Variants in ZNF518B observed in about 807,000 individuals in gnomAD.
ZNF518B encodes the protein zinc finger protein 518B.
ZNF518B carries 23 observed loss-of-function variants against 56.3 expected under a neutral mutation model. The ratio of observed to expected loss-of-function variants is 0.41; its 90% CI spans 0.29 to 0.58. The LOEUF is 0.58. ZNF518B is among the 20% of genes least tolerant of loss of function. The pLI is 0.32. For missense variants in ZNF518B, 1,460 were observed against 1,272.1 expected, an observed-to-expected ratio of 1.15 and a Z score of -2.25; for synonymous variants, 529 against 465.9, an observed-to-expected ratio of 1.14 and a Z score of -1.74.
At chr4:10,446,822 G>T (rs1308284630) in intron 2 of ZNF518B, among the ~76,000 whole-genome samples, 1 of 152,146 alleles carries the variant, frequency 6.6e-6, no homozygotes, top group African/African-American at 2.4e-5. Flanking sequence ...GACAGCCTTT[G>T]GTCAGGGAAA....
upstream of ZNF518B, among the ~76,000 whole-genome samples, chr4:10,460,294 G>C (rs1715699539): frequency 1.1e-5 from 1 of 88,364 alleles, no homozygotes; most frequent in Non-Finnish European, 2.1e-5. Flanking sequence ...AACAGGGCAA[G>C]ACTCTGTCTC....
rs754150265 is a variant in ZNF518B, at chr4:10,444,185, G to A, written c.2144C>T (p.Thr715Ile). The A allele has an allele frequency of 6.8e-6, 11 of 1,614,104 alleles. No individual in the cohort carries two copies. The highest frequency in any genetic ancestry group is 1.3e-5 in the African/African-American group (1 of 74,932). ...AGTACCTGTGGAATGGCCAAGACCAGTGAGTGACACGTTGATTTCTTGAAT... is the reference window on the plus strand; with the variant it reads ...AGTACCTGTGGAATGGCCAAGACCAATGAGTGACACGTTGATTTCTTGAAT... ...EGIQEINVSL[T>I]GLGHSTGTLQ... The change falls in exon 3 of 3, where the codon ACT becomes ATT. Residue 715 changes from threonine (T) to isoleucine (I), a missense_variant. Coordinates refer to ENST00000326756, the MANE Select transcript of ZNF518B (RefSeq NM_053042.3).
At position 10,444,037 on chromosome 4, in the gene ZNF518B, A is replaced by G; in HGVS notation, c.2292T>C (p.Ala764=). The part of the protein sequence containing the change: ...RKTKSRVARK[A]HVATPVLIPK... ...GGATTAACACTGGCGTGGCAACATG[A>G]GCCTTCCTGGCCACTCTGCTTTTGG... is the stretch of plus-strand genomic sequence containing the variant. Residue 764 remains alanine (A), a synonymous_variant, in exon 3 of 3, where the codon GCT becomes GCC. Coordinates refer to ENST00000326756, the MANE Select transcript of ZNF518B (RefSeq NM_053042.3). The G allele has an allele frequency of 6.2e-7, 1 of 1,614,208 alleles. No homozygotes were observed. Among genetic ancestry groups the G allele is most frequent in the Non-Finnish European group, 8.5e-7 (1 of 1,180,040 alleles).
rs1714671070 is a variant in ZNF518B, at chr4:10,441,370, T to A, written c.*1734A>T. 1 of 152,378 alleles carries A rather than the reference T, an allele frequency of 6.6e-6. No homozygotes were observed. The highest frequency in any genetic ancestry group is 2.1e-4 in the South Asian group (1 of 4,822). The allele number at this position is 152,378 out of a possible 1,614,324, so 9.4% of individuals were successfully genotyped here. A position where few individuals can be genotyped will look rare whatever the true frequency, so the allele number is the denominator to read the frequency against. On this transcript the variant is annotated 3_prime_UTR_variant, in exon 3 of 3. Coordinates refer to ENST00000326756, the MANE Select transcript of ZNF518B (RefSeq NM_053042.3). ...TTGAATTATACAAAAGAAATGTTGA[T>A]TATCTGTAATGAGAACAAACTGCAA...
At chr4:10,453,894 G>A (rs1357291205) in intron 2 of ZNF518B, 3 of 152,156 alleles carry the variant, frequency 2.0e-5, no homozygotes, top group Non-Finnish European at 2.9e-5. Context: ...ATTTTTTAAA[G>A]GAGGTCCCTG....
chr4:10,451,449 A>G (rs1003238261), intron 2 of ZNF518B: 11 of 152,192 alleles, frequency 7.2e-5, no homozygotes, highest in African/African-American at 2.7e-4. Context: ...CACTGTTTTG[A>G]TTCCTTACCT....
At position 10,444,866 on chromosome 4, in the gene ZNF518B, G is replaced by C. The variant is rs950549876; in HGVS notation, c.1463C>G (p.Ser488Cys). 1 of 1,613,818 alleles carries C rather than the reference G, an allele frequency of 6.2e-7. No individual in the cohort carries two copies. Among genetic ancestry groups the C allele is most frequent in the Non-Finnish European group, 8.5e-7 (1 of 1,179,870 alleles). Residue 488 changes from serine to cysteine, a missense_variant, in exon 3 of 3, where the codon TCT becomes TGT. Ser to Cys is a moderately radical substitution (Grantham distance 112). Transcript: ENST00000326756. Reference sequence around the variant, plus strand: ...ACGTAAAACACTGTTTTTAAATACAGATGCTAGAGAATGACCTTTTAAGGC... The same window carrying C: ...ACGTAAAACACTGTTTTTAAATACACATGCTAGAGAATGACCTTTTAAGGC... ...SVALKGHSLA[S>C]VFKNSVLRSL...
rs765155543 is a variant in ZNF518B at position 10,446,265 on chromosome 4, T to C, written c.64A>G (p.Met22Val). The stretch of plus-strand genomic sequence containing the variant: ...TTAGCATCAGGCTGTTTGGGTGACA[T>C]GGTCAAGGAATTATGTCCGCCGTTC... Reference protein sequence around the residue: ...HLNGGHNSLTMSPKQPDANGA... With the variant: ...HLNGGHNSLTVSPKQPDANGA... The change falls in exon 3 of 3, where the codon ATG (methionine) becomes GTG (valine). Residue 22 changes from methionine (M) to valine (V), a missense_variant. Physicochemically the swap from Met to Val is conservative, Grantham distance 21 (BLOSUM62 1). Coordinates refer to ENST00000326756, the MANE Select transcript of ZNF518B (RefSeq NM_053042.3). 23 of 1,614,110 alleles carry C rather than the reference T, an allele frequency of 1.4e-5. No homozygotes were observed. The highest frequency in any genetic ancestry group is 3.3e-5 in the Admixed American group (2 of 60,010).
At chr4:10,455,103 A>G (rs951136024) in intron 1 of ZNF518B, 115 bp from the exon 2 acceptor site, 2 of 152,258 alleles carry the variant, frequency 1.3e-5, no homozygotes, top group African/African-American at 4.8e-5. Context: ...GCAGGGGTGT[A>G]TGGCAAAGTC....
rs954665955 is a variant in ZNF518B, at chr4:10,439,954, G to A, written c.*3150C>T. 5 of 152,578 alleles carry A rather than the reference G, an allele frequency of 3.3e-5. No homozygotes were observed. Among genetic ancestry groups the A allele is most frequent in the African/African-American group, 4.8e-5 (2 of 41,454 alleles). 9.5% of individuals were successfully genotyped at this position (152,578 alleles called of 1,614,324 possible). A position where few individuals can be genotyped will look rare whatever the true frequency, so the allele number is the denominator to read the frequency against. On this transcript the variant is annotated 3_prime_UTR_variant, in exon 3 of 3. Coordinates refer to ENST00000326756, the MANE Select transcript of ZNF518B (RefSeq NM_053042.3). Reference sequence around the variant, plus strand: ...AACTCCTGTATCTATATACAAACATGTTTCAAAACCAGAGCAGCAGACACA... The same window carrying A: ...AACTCCTGTATCTATATACAAACATATTTCAAAACCAGAGCAGCAGACACA...
Position 10,442,994 on chromosome 4 carries a change from TA to T in ZNF518B, c.*109del, listed in dbSNP as rs1714750423. ...CAATATTCCTACAGTTCTGAAGAAT[TA>T]GCAGTCCTCTCATTTCTACAGTCTG... On this transcript the variant is annotated 3_prime_UTR_variant, in exon 3 of 3. Coordinates refer to ENST00000326756, the MANE Select transcript of ZNF518B (RefSeq NM_053042.3). 1.0e-6 allele frequency: 1 copy of T among 952,694 alleles called. No homozygotes were observed. Among genetic ancestry groups the T allele is most frequent in the South Asian group, 1.8e-5 (1 of 56,624 alleles). The allele number at this position is 952,694 out of a possible 1,614,324, so 59.0% of individuals were successfully genotyped here.
rs982949983 is a variant in ZNF518B, at chr4:10,453,718, G to A, written c.-212+1087C>T. 7 of 152,144 alleles carry A rather than the reference G, an allele frequency of 4.6e-5. No individual in the cohort carries two copies. The East Asian group carries it at 1.3e-3, about 29-fold the overall frequency. The allele number at this position is 152,144 out of a possible 1,614,324, so 9.4% of individuals were successfully genotyped here. A position where few individuals can be genotyped will look rare whatever the true frequency, so the allele number is the denominator to read the frequency against. On this transcript the variant is annotated intron_variant, in intron 2 of 2. Transcript: ENST00000326756. The stretch of plus-strand genomic sequence containing the variant: ...TCTCTGAAGGTGCTAAAAATGAGAC[G>A]TATATTTTCACATTTCTTTTTTGCC...
At chr4:10,457,512 C>G (rs928951100), upstream of ZNF518B, 7 of 152,270 alleles carry the variant, frequency 4.6e-5, no homozygotes, top group Non-Finnish European at 1.0e-4. Context: ...TGCGCCCGCC[C>G]CCGCCGGGCT....
At position 10,445,155 on chromosome 4, in the gene ZNF518B, T is replaced by G. The variant is rs761476479; in HGVS notation, c.1174A>C (p.Asn392His). 1.9e-6 allele frequency: 3 copies of G among 1,614,118 alleles called. No homozygotes were observed. The highest frequency in any genetic ancestry group is 2.7e-5 in the African/African-American group (2 of 74,944). The change falls in exon 3 of 3, where the codon AAT becomes CAT. Residue 392 changes from asparagine (N) to histidine (H), a missense_variant. Asn to His is a moderately conservative substitution (Grantham distance 68). Coordinates refer to ENST00000326756, the MANE Select transcript of ZNF518B (RefSeq NM_053042.3). ...GCAGAAAGTACTTTTTCTTGTTCAT[T>G]TGAACCCTTCTCTTTCACCATACGT... is the stretch of plus-strand genomic sequence containing the variant. ...SERMVKEKGS[N>H]EQEKVLSAEK...
At position 10,445,670 on chromosome 4, in the gene ZNF518B, CG is replaced by C; in HGVS notation, c.658del (p.Arg220GlyfsTer24). 6.2e-7 allele frequency: 1 copy of C among 1,614,076 alleles called. No individual in the cohort carries two copies. The highest frequency in any genetic ancestry group is 8.5e-7 in the Non-Finnish European group (1 of 1,179,986). ...KRVHERAGAKRPVKAVAKLEP... is the reference protein window; with the variant it reads ...KRVHERAGAKXPVKAVAKLEP... ...CAGCTTGGCAACAGCTTTGACTGGC[CG>C]TTTCGCACCTGCCCTTTCATGTACT... On this transcript the variant is annotated frameshift_variant, in exon 3 of 3. Coordinates refer to ENST00000326756, the MANE Select transcript of ZNF518B (RefSeq NM_053042.3). LOFTEE classifies it high-confidence loss of function.
upstream of ZNF518B, among the ~76,000 whole-genome samples, chr4:10,457,957 G>T (rs1325407686): frequency 6.6e-6 from 1 of 152,200 alleles, no homozygotes; most frequent in Non-Finnish European, 1.5e-5. Flanking sequence ...CTGAAGACGG[G>T]GAAGGTCGTA....
In ZNF518B at chr4:10,444,025, C is replaced by A. The variant is rs776607621; in HGVS notation, c.2304G>T (p.Thr768=). 1.9e-6 allele frequency: 3 copies of A among 1,614,194 alleles called. No homozygotes were observed. The highest frequency in any genetic ancestry group is 1.7e-5 in the Admixed American group (1 of 60,022). Reference sequence around the variant, plus strand: ...CAGCCCCTTTGGGGATTAACACTGGCGTGGCAACATGAGCCTTCCTGGCCA... The same window carrying A: ...CAGCCCCTTTGGGGATTAACACTGGAGTGGCAACATGAGCCTTCCTGGCCA... ...SRVARKAHVA[T]PVLIPKGAVL... The change falls in exon 3 of 3, where the codon ACG becomes ACT. Residue 768 remains threonine, a synonymous_variant. Coordinates refer to ENST00000326756, the MANE Select transcript of ZNF518B (RefSeq NM_053042.3).
chr4:10,445,420 G>C lies in ZNF518B; in HGVS notation c.909C>G (p.Val303=). The change falls in exon 3 of 3, where the codon GTC becomes GTG. Residue 303 remains valine (V), a synonymous_variant. Coordinates refer to ENST00000326756, the MANE Select transcript of ZNF518B (RefSeq NM_053042.3). ...NKMTLSEPNE[V]NLFENKNVEV... The stretch of plus-strand genomic sequence containing the variant: ...CAACATTTTTGTTCTCAAATAGGTT[G>C]ACTTCATTTGGCTCAGACAGGGTCA... 1 of 1,614,212 alleles carries C rather than the reference G, an allele frequency of 6.2e-7. No individual in the cohort carries two copies. Among genetic ancestry groups the C allele is most frequent in the Non-Finnish European group, 8.5e-7 (1 of 1,180,038 alleles).
chr4:10,458,680 C>A (rs1439536870), upstream of ZNF518B, among the ~76,000 whole-genome samples: 1 of 152,124 alleles, frequency 6.6e-6, no homozygotes, highest in Admixed American at 6.5e-5. Context: ...AGCTAAGGAA[C>A]CTCTTCTCAG....
Sources: allele counts gnomAD v4.1 joint callset (sites outside exome capture counted in the v4.1 genomes callset), GRCh38; gene constraint gnomAD v4.1.1; transcripts MANE v1.5; gene names NCBI Gene and HGNC (gene_info 2026-07-23, HGNC 2026-07-21).